Variants in DGKI observed in about 807,000 individuals in gnomAD.
The protein encoded by DGKI is diacylglycerol kinase iota, also known as DAG kinase iota.
DGKI carries 55 observed loss-of-function variants against 147.5 expected under a neutral mutation model. The ratio of observed to expected loss-of-function variants is 0.37; its 90% CI spans 0.30 to 0.47. The LOEUF (loss-of-function observed/expected upper bound fraction) is 0.47, where lower values mean the gene tolerates loss of function less well. Ranked by LOEUF, DGKI falls within the 20% of genes least tolerant of loss-of-function variation. The pLI, the probability that DGKI is intolerant of heterozygous loss-of-function variation, is 1.00. For synonymous variants in DGKI, 469 were observed against 477.1 expected (o/e 0.98, Z 0.22); for missense variants, 1,007 against 1,323.8 (o/e 0.76, Z 3.71).
chr7:137,684,082 T>C (rs546733412), intron 2 of DGKI, among the ~76,000 whole-genome samples: 1 of 152,370 alleles, frequency 6.6e-6, no homozygotes, highest in East Asian at 1.9e-4. Context: ...ATATGTATCC[T>C]ATGTAAATGT....
chr7:137,460,668 A>G (rs1041446396), intron 27 of DGKI, among the ~76,000 whole-genome samples: 1 of 152,226 alleles, frequency 6.6e-6, no homozygotes, highest in Non-Finnish European at 1.5e-5. Flanking sequence ...TCCTTTGAGC[A>G]TCAGGTCAGC....
chr7:137,591,011 C>G (rs762691743), intron 12 of DGKI, among the ~76,000 whole-genome samples: 3 of 152,182 alleles, frequency 2.0e-5, no homozygotes, highest in Non-Finnish European at 4.4e-5. Flanking sequence ...TCTAACAGCC[C>G]TCATTCAAAT....
intron 1 of DGKI, among the ~76,000 whole-genome samples, chr7:137,841,861 A>G (rs1798552652): frequency 6.6e-6 from 1 of 152,222 alleles, no homozygotes; most frequent in Non-Finnish European, 1.5e-5. Context: ...TTGCCACAGC[A>G]GAATTGAACA....
intron 28 of DGKI, among the ~76,000 whole-genome samples, chr7:137,432,815 C>A (rs1813131599): frequency 6.6e-6 from 1 of 152,102 alleles, no homozygotes. Context: ...AATACAAGGT[C>A]CTTCCTTCCC....
chr7:137,599,319 T>C (rs1389131532), intron 11 of DGKI, among the ~76,000 whole-genome samples: 3 of 152,148 alleles, frequency 2.0e-5, no homozygotes, highest in Admixed American at 2.0e-4. Context: ...CAGGAATTAA[T>C]ATGTCTTCCC....
chr7:137,788,272 C>T (rs374818258), intron 1 of DGKI, among the ~76,000 whole-genome samples: 39 of 152,072 alleles, frequency 2.6e-4, no homozygotes, highest in Non-Finnish European at 5.0e-4. Flanking sequence ...GCCTACTGGA[C>T]GGTCCAACTT....
chr7:137,660,489 C>T (rs550326017), intron 3 of DGKI, among the ~76,000 whole-genome samples: 1 of 152,332 alleles, frequency 6.6e-6, no homozygotes, highest in African/African-American at 2.4e-5. Context: ...CACCAATCTT[C>T]AGCTCATAGC....
At chr7:137,788,633 A>AATAC (rs1455688836) in intron 1 of DGKI, among the ~76,000 whole-genome samples, 2,203 of 125,384 alleles carry the variant, frequency 0.018, 60 homozygotes, top group African/African-American at 0.075. Flanking sequence ...CAAACCCATA[A>AATAC]ATACACACAC....
chr7:137,587,565 A>G (rs1819452019), intron 12 of DGKI, among the ~76,000 whole-genome samples: 1 of 152,224 alleles, frequency 6.6e-6, no homozygotes, highest in Non-Finnish European at 1.5e-5. Flanking sequence ...CTGAATTTCA[A>G]TTCTGACTCA....
At chr7:137,451,549 A>G (rs1227834573) in intron 27 of DGKI, among the ~76,000 whole-genome samples, 1 of 152,236 alleles carries the variant, frequency 6.6e-6, no homozygotes. Context: ...CCAGCAAAAG[A>G]GCAATACATA....
intron 19 of DGKI, among the ~76,000 whole-genome samples, chr7:137,563,561 G>T (rs1818487464): frequency 6.6e-6 from 1 of 151,688 alleles, no homozygotes. Flanking sequence ...CAAGCTACTG[G>T]ATCTAATAAG....
chr7:137,645,154 A>G (rs933121191), intron 6 of DGKI, among the ~76,000 whole-genome samples: 3 of 152,244 alleles, frequency 2.0e-5, no homozygotes, highest in Non-Finnish European at 2.9e-5. Context: ...GCGATTGGCC[A>G]AAGTACGATG....
At chr7:137,521,163 A>G (rs1488600316) in intron 21 of DGKI, among the ~76,000 whole-genome samples, 1 of 152,002 alleles carries the variant, frequency 6.6e-6, no homozygotes, top group Non-Finnish European at 1.5e-5. Context: ...TTAACCAATT[A>G]CCTCATAAAT....
At chr7:137,788,640 A>C (rs1796749390) in intron 1 of DGKI, among the ~76,000 whole-genome samples, 1 of 65,444 alleles carries the variant, frequency 1.5e-5, no homozygotes, top group African/African-American at 6.9e-5. Flanking sequence ...ATAAATACAC[A>C]CACACACACA....
chr7:137,391,133 C>T lies in DGKI; in HGVS notation c.*87G>A. 1.0e-6 allele frequency: 1 copy of T among 996,758 alleles called. No homozygotes were observed. Among genetic ancestry groups the T allele is most frequent in the Non-Finnish European group, 1.6e-6 (1 of 620,790 alleles). 61.7% of individuals were successfully genotyped at this position (996,758 alleles called of 1,614,324 possible). A position where few individuals can be genotyped will look rare whatever the true frequency, so the allele number is the denominator to read the frequency against. ...AGGAGAGAGACAGATATATGAATTC[C>T]ATCAGCTTCTTCCAGGGGAGCTGCC... On this transcript the variant is annotated 3_prime_UTR_variant, in exon 33 of 33. Coordinates refer to ENST00000614521, the MANE Select transcript of DGKI (RefSeq NM_001321708.2).
intron 21 of DGKI, 143 bp from the exon 22 acceptor site, chr7:137,487,832 T>C: frequency 2.9e-6 from 2 of 699,760 alleles, no homozygotes. Flanking sequence ...AGAAGTACTT[T>C]CTCCCTACAC....
intron 21 of DGKI, among the ~76,000 whole-genome samples, chr7:137,521,244 T>C (rs903202627): frequency 2.6e-5 from 4 of 152,074 alleles, no homozygotes; most frequent in East Asian, 1.9e-4. Flanking sequence ...TACATACTGA[T>C]TGACTAGTGA....
At chr7:137,667,450 T>A (rs754452763) in intron 3 of DGKI, among the ~76,000 whole-genome samples, 11 of 152,162 alleles carry the variant, frequency 7.2e-5, no homozygotes, top group Non-Finnish European at 1.3e-4. Context: ...GATTTGAGCC[T>A]TAGTATAAAC....
chr7:137,521,829 C>T (rs1237331746), intron 21 of DGKI, 37 bp downstream of exon 21: 1 of 1,434,294 alleles, frequency 7.0e-7, no homozygotes, highest in Non-Finnish European at 9.8e-7. Flanking sequence ...TGAAGATAGG[C>T]TGATCGCATG....
Sources: allele counts gnomAD v4.1 joint callset (sites outside exome capture counted in the v4.1 genomes callset), GRCh38; gene constraint gnomAD v4.1.1; transcripts MANE v1.5; gene names NCBI Gene and HGNC (gene_info 2026-07-23, HGNC 2026-07-21).